The following ADAMTS18 variants were observed in gnomAD, a reference collection of about 807,000 sequenced individuals.
ADAMTS18 encodes the protein ADAM metallopeptidase with thrombospondin type 1 motif 18, also known as A disintegrin and metalloproteinase with thrombospondin motifs 18.
Under a neutral mutation model 165.9 loss-of-function variants are expected in ADAMTS18, and 157 were observed. That is an observed-to-expected ratio of 0.95 (90% confidence interval 0.83 to 1.08). The LOEUF (loss-of-function observed/expected upper bound fraction) is 1.08. ADAMTS18 is among the 50% of genes least tolerant of loss of function. The pLI is 0.00. For missense variants in ADAMTS18, 2,040 were observed against 1,534.0 expected, an observed-to-expected ratio of 1.33 and a Z score of -5.51; for synonymous variants, 782 against 578.2, an observed-to-expected ratio of 1.35 and a Z score of -5.06.
At chr16:77,294,407 T>C (rs1490124892) in intron 19 of ADAMTS18, among the ~76,000 whole-genome samples, 1 of 152,162 alleles carries the variant, frequency 6.6e-6, no homozygotes, top group Non-Finnish European at 1.5e-5. Context: ...ACCTTTGCTT[T>C]AGAGGGAATT....
chr16:77,388,194 G>A (rs1032611813), intron 3 of ADAMTS18, among the ~76,000 whole-genome samples: 5 of 152,166 alleles, frequency 3.3e-5, no homozygotes, highest in Non-Finnish European at 5.9e-5. Context: ...CCGCCTCCTG[G>A]GTTCAAGTGA....
At chr16:77,341,333 G>T (rs762300100) in intron 11 of ADAMTS18, among the ~76,000 whole-genome samples, 13 of 152,034 alleles carry the variant, frequency 8.6e-5, no homozygotes, top group Non-Finnish European at 1.8e-4. Context: ...CCGAAGCCTT[G>T]GTCTGGAGGG....
intron 10 of ADAMTS18, among the ~76,000 whole-genome samples, chr16:77,348,866 C>G (rs2144703174): frequency 6.6e-6 from 1 of 152,204 alleles, no homozygotes; most frequent in Non-Finnish European, 1.5e-5. Flanking sequence ...TGAATTGAAT[C>G]TTTAACAACA....
In ADAMTS18 at chr16:77,320,033, T is replaced by A. The variant is rs201514069; in HGVS notation, c.2348A>T (p.Gln783Leu). ...AACTGCGAGGTAACTGGAGGAAACC[T>A]GCAGCTCCTGGATTTCGATGCTTCG... ...GARSIEIQELQVSSSYLAVRS... is the reference protein window; with the variant it reads ...GARSIEIQELLVSSSYLAVRS... Residue 783 changes from glutamine (Q) to leucine (L), a missense_variant, in exon 16 of 23, where the codon CAG becomes CTG. By Grantham distance (113) the Gln-to-Leu change is moderately radical. Transcript: ENST00000282849. The A allele has an allele frequency of 6.2e-7, 1 of 1,614,128 alleles. No individual in the cohort carries two copies. Among genetic ancestry groups the A allele is most frequent in the Admixed American group, 1.7e-5 (1 of 60,010 alleles).
At chr16:77,334,727 A>G (rs183785868) in intron 12 of ADAMTS18, among the ~76,000 whole-genome samples, 7,430 of 73,356 alleles carry the variant, frequency 0.1, 621 homozygotes, top group East Asian at 0.25. Context: ...GTATACTACT[A>G]TATACTATAG....
chr16:77,366,466 G>A (rs1478493419), intron 4 of ADAMTS18, among the ~76,000 whole-genome samples: 2 of 152,202 alleles, frequency 1.3e-5, no homozygotes, highest in East Asian at 1.9e-4. Flanking sequence ...TCTGAGGCAG[G>A]AGAATTGCTT....
intron 3 of ADAMTS18, among the ~76,000 whole-genome samples, chr16:77,419,629 T>G (rs1429178589): frequency 6.6e-6 from 1 of 152,146 alleles, no homozygotes; most frequent in Non-Finnish European, 1.5e-5. Context: ...TGGTTACATC[T>G]GCAAAAACTC....
chr16:77,317,166 CTTCA>C (rs1470835141), intron 16 of ADAMTS18, among the ~76,000 whole-genome samples: 1 of 152,010 alleles, frequency 6.6e-6, no homozygotes, highest in African/African-American at 2.4e-5. Context: ...GTACATCTGC[CTTCA>C]TTTATATATT....
At chr16:77,391,499 A>G (rs2057186899) in intron 3 of ADAMTS18, among the ~76,000 whole-genome samples, 1 of 152,034 alleles carries the variant, frequency 6.6e-6, no homozygotes, top group African/African-American at 2.4e-5. Flanking sequence ...CTCAAAAAAA[A>G]AAAAAACAAG....
At chr16:77,351,041 C>T (rs1312002541) in intron 10 of ADAMTS18, among the ~76,000 whole-genome samples, 1 of 152,132 alleles carries the variant, frequency 6.6e-6, no homozygotes, top group Non-Finnish European at 1.5e-5. Flanking sequence ...CGGGTCTAAA[C>T]TGTTTCTACT....
chr16:77,361,889 T>TA (rs34606614), intron 7 of ADAMTS18, among the ~76,000 whole-genome samples: 40 of 150,682 alleles, frequency 2.7e-4, no homozygotes, highest in Non-Finnish European at 5.6e-4. Context: ...CATCTCAAAT[T>TA]AAAAAAAATA....
Position 77,325,228 on chromosome 16 carries a change from T to G in ADAMTS18, c.2032+638A>C, listed in dbSNP as rs140185698. Among the ~76,000 whole-genome samples the G allele has an allele frequency of 3.1e-3, 467 of 152,272 alleles. 6 individuals are homozygous for G. The highest frequency in any genetic ancestry group is 0.011 in the African/African-American group (453 of 41,546). On this transcript the variant is annotated intron_variant, in intron 13 of 22. Coordinates refer to ENST00000282849, the MANE Select transcript of ADAMTS18 (RefSeq NM_199355.4). ...TAATGGATGGAAGTAATGAAACAAC[T>G]AGGATGATGACAGCTTATTCTACAT... is the stretch of plus-strand genomic sequence containing the variant.
chr16:77,411,677 ATTTT>A (rs34453966), intron 3 of ADAMTS18, among the ~76,000 whole-genome samples: 21 of 73,856 alleles, frequency 2.8e-4, no homozygotes, highest in South Asian at 1.2e-3. Flanking sequence ...AGTATCCAGA[ATTTT>A]TTTTTTTTTT....
At position 77,320,050 on chromosome 16, in the gene ADAMTS18, G is replaced by A. The variant is rs1349275933; in HGVS notation, c.2331C>T (p.Ile777=). The A allele has an allele frequency of 5.0e-6, 8 of 1,614,094 alleles. No individual in the cohort carries two copies. Among genetic ancestry groups the A allele is most frequent in the African/African-American group, 2.7e-5 (2 of 75,046 alleles). The change falls in exon 16 of 23, where the codon ATC becomes ATT. Residue 777 remains isoleucine (I), a synonymous_variant. Transcript: ENST00000282849. Reference sequence around the variant, plus strand: ...AGGAAACCTGCAGCTCCTGGATTTCGATGCTTCGGGCGCCAGCTGGAATGA... The same window carrying A: ...AGGAAACCTGCAGCTCCTGGATTTCAATGCTTCGGGCGCCAGCTGGAATGA... ...VVLIPAGARS[I]EIQELQVSSS... is the part of the protein sequence containing the mutation.
chr16:77,420,570 T>G (rs1288191157), intron 3 of ADAMTS18, among the ~76,000 whole-genome samples: 2 of 152,212 alleles, frequency 1.3e-5, no homozygotes, highest in African/African-American at 4.8e-5. Context: ...TATGTAATAC[T>G]AAACAGACAT....
chr16:77,344,352 C>T (rs565922661), intron 10 of ADAMTS18, among the ~76,000 whole-genome samples: 5 of 151,962 alleles, frequency 3.3e-5, no homozygotes, highest in African/African-American at 9.7e-5. Flanking sequence ...TACATATTCC[C>T]GTGAACCTGC....
chr16:77,282,360 C>G lies in ADAMTS18; in HGVS notation c.*1596G>C, dbSNP rs1393727027. On this transcript the variant is annotated 3_prime_UTR_variant, in exon 23 of 23. Transcript: ENST00000282849. ...AAATAACTTGCTGTTTTTCAGAAGGCAACGGGGTTGTAGTAGAGAAAATTT... is the reference window on the plus strand; with the variant it reads ...AAATAACTTGCTGTTTTTCAGAAGGGAACGGGGTTGTAGTAGAGAAAATTT... The G allele has an allele frequency of 1.3e-5, 2 of 151,870 alleles. No homozygotes were observed. Among genetic ancestry groups the G allele is most frequent in the African/African-American group, 4.8e-5 (2 of 41,396 alleles). 9.4% of individuals were successfully genotyped at this position (151,870 alleles called of 1,614,324 possible). A position where few individuals can be genotyped will look rare whatever the true frequency, so the allele number is the denominator to read the frequency against.
intron 3 of ADAMTS18, among the ~76,000 whole-genome samples, chr16:77,374,253 A>G (rs1016601373): frequency 6.6e-6 from 1 of 151,774 alleles, no homozygotes; most frequent in African/African-American, 2.4e-5. Context: ...CTTCATCCCC[A>G]GACTTTTTTC....
At chr16:77,311,940 C>T (rs561672051) in intron 16 of ADAMTS18, among the ~76,000 whole-genome samples, 5 of 152,066 alleles carry the variant, frequency 3.3e-5, no homozygotes, top group African/African-American at 9.7e-5. Flanking sequence ...TGTGGTGAAA[C>T]GACAATTTTG....
Sources: gnomAD v4.1 joint callset for allele counts (sites outside exome capture counted in the v4.1 genomes callset) on GRCh38, gnomAD v4.1.1 for gene constraint, MANE v1.5 for transcripts, NCBI Gene and HGNC (gene_info 2026-07-23, HGNC 2026-07-21) for gene names.